The following PLXNA4 variants were observed in gnomAD, a reference collection of about 807,000 sequenced individuals.
PLXNA4 encodes the protein plexin-A4.
In PLXNA4, 44 loss-of-function variants were observed where a neutral mutation model predicts 191.8. The observed-to-expected ratio is 0.23, with a 90% CI of 0.18 to 0.29. The LOEUF is 0.29. PLXNA4 is among the 10% of genes least tolerant of loss of function. PLXNA4 has a pLI of 1.00. For synonymous variants in PLXNA4, 1,082 were observed against 1,009.5 expected (o/e 1.07, Z -1.36); for missense variants, 1,800 against 2,488.8 (o/e 0.72, Z 5.89).
At chr7:132,266,363 T>C (rs1799859282) in intron 4 of PLXNA4, 1 of 152,226 alleles carries the variant, frequency 6.6e-6, no homozygotes, top group African/African-American at 2.4e-5. Context: ...AACATCGTGC[T>C]AGGTAATGAC....
At chr7:132,625,278 G>A (rs28396243) in intron 2 of PLXNA4, among the ~76,000 whole-genome samples, 1 of 152,142 alleles carries the variant, frequency 6.6e-6, no homozygotes, top group Non-Finnish European at 1.5e-5. Flanking sequence ...GCCCAGCACA[G>A]TGCTGGATCC....
intron 3 of PLXNA4, among the ~76,000 whole-genome samples, chr7:132,335,540 C>T (rs1342672666): frequency 1.3e-5 from 2 of 152,102 alleles, no homozygotes; most frequent in African/African-American, 2.4e-5. Context: ...AATAGAACAC[C>T]CCCACCCCCG....
chr7:132,521,013 G>A, intron 1 of PLXNA4, among the ~76,000 whole-genome samples: 1 of 152,014 alleles, frequency 6.6e-6, no homozygotes, highest in East Asian at 1.9e-4. Flanking sequence ...ATCAGGAAGT[G>A]AACAGTTGTC....
rs529500573 is a variant in PLXNA4, at chr7:132,147,984, C to T, written c.4780G>A (p.Val1594Met). 2.3e-5 allele frequency: 37 copies of T among 1,614,144 alleles called. No homozygotes were observed. The East Asian group carries it at 2.7e-4, about 12-fold the overall frequency. The change falls in exon 27 of 32, where the codon GTG becomes ATG. Residue 1594 changes from valine to methionine, a missense_variant. Val to Met is a conservative substitution (Grantham distance 21). This residue lies in a region of PLXNA4 where 214 missense variants were observed against 298.2 expected (regional missense o/e 0.72). Transcript: ENST00000321063. ...LAHYQVPDGS[V>M]VALVSKQVTA... ...ACCTGCTTGGACACTAATGCCACCA[C>T]GGAACCATCTGGCACCTACAGGGAA...
intron 20 of PLXNA4, among the ~76,000 whole-genome samples, chr7:132,178,713 TACAC>T (rs56218462): frequency 9.8e-5 from 11 of 112,100 alleles, no homozygotes; most frequent in Middle Eastern, 5.4e-3. Context: ...CACATACACA[TACAC>T]ACACACACAC....
chr7:132,353,895 C>A (rs1357672217), intron 3 of PLXNA4, among the ~76,000 whole-genome samples: 1 of 152,150 alleles, frequency 6.6e-6, no homozygotes, highest in Non-Finnish European at 1.5e-5. Context: ...GTCTGTTGTG[C>A]TTCTTGAAAG....
chr7:132,329,111 C>T (rs1258844273), intron 3 of PLXNA4, among the ~76,000 whole-genome samples: 1 of 152,210 alleles, frequency 6.6e-6, no homozygotes, highest in African/African-American at 2.4e-5. Flanking sequence ...TCAAGGAGCA[C>T]TGCAGGTGAT....
intron 22 of PLXNA4, among the ~76,000 whole-genome samples, chr7:132,166,248 C>G (rs894448371): frequency 3.3e-5 from 5 of 151,054 alleles, no homozygotes; most frequent in African/African-American, 1.2e-4. Flanking sequence ...GCAAAAGATT[C>G]CACATCCTTT....
rs78090845 is a variant in PLXNA4 at position 132,491,205 on chromosome 7, T to C, written c.1189-1731A>G. Reference sequence around the variant, plus strand: ...AGCCTATTGCACTCGTGCCTGTAAATGTCTTTGGACTTTGCAGAGAAAGGG... The same window carrying C: ...AGCCTATTGCACTCGTGCCTGTAAACGTCTTTGGACTTTGCAGAGAAAGGG... On this transcript the variant is annotated intron_variant, in intron 2 of 31. Transcript: ENST00000321063. Among the ~76,000 whole-genome samples the C allele has an allele frequency of 9.3e-3, 1,422 of 152,332 alleles. 27 individuals are homozygous for C. The highest frequency in any genetic ancestry group is 0.033 in the African/African-American group (1,358 of 41,570).
intron 4 of PLXNA4, among the ~76,000 whole-genome samples, chr7:132,255,534 A>G (rs1799402417): frequency 6.6e-6 from 1 of 152,214 alleles, no homozygotes; most frequent in Non-Finnish European, 1.5e-5. Context: ...ATTCAACTTT[A>G]AAGGTTTCCA....
intron 1 of PLXNA4, among the ~76,000 whole-genome samples, chr7:132,550,910 C>T (rs1467942639): frequency 6.6e-6 from 1 of 152,186 alleles, no homozygotes; most frequent in East Asian, 1.9e-4. Flanking sequence ...CACTTCAAAC[C>T]CAGCTCCTCA....
rs556867646 is a variant in PLXNA4, at chr7:132,432,585, G to T, written c.1371+56707C>A. On this transcript the variant is annotated intron_variant, in intron 3 of 31. Transcript: ENST00000321063. Reference sequence around the variant, plus strand: ...AACGTGAGGGAGAGAAGGGGAGGAGGTCTGCTTGTTGATGGGGTGTGGGGA... The same window carrying T: ...AACGTGAGGGAGAGAAGGGGAGGAGTTCTGCTTGTTGATGGGGTGTGGGGA... 2.0e-5 allele frequency among the ~76,000 whole-genome samples: 3 copies of T among 152,256 alleles called. No individual in the cohort carries two copies. The South Asian group carries it at 6.2e-4, about 32-fold the overall frequency.
At chr7:132,248,637 A>C (rs1329054902) in intron 4 of PLXNA4, among the ~76,000 whole-genome samples, 1 of 152,198 alleles carries the variant, frequency 6.6e-6, no homozygotes, top group African/African-American at 2.4e-5. Context: ...ATCTAACGTG[A>C]TAAATGGCCC....
Position 132,142,899 on chromosome 7 carries a change from C to A in PLXNA4, c.5226-2088G>T, listed in dbSNP as rs567575564. Among the ~76,000 whole-genome samples the A allele has an allele frequency of 7.9e-4, 121 of 152,332 alleles. No homozygotes were observed. In the Middle Eastern group the frequency reaches 0.027, roughly 34 times the overall value. ...ACATTTGCTCTGCCGGTTGTTTCTT[C>A]CCTATGCTTCCCGGTCCTCAAGCCA... On this transcript the variant is annotated intron_variant, in intron 29 of 31. Coordinates refer to ENST00000321063, the MANE Select transcript of PLXNA4 (RefSeq NM_020911.2).
At chr7:132,191,244 G>A (rs150273308) in intron 14 of PLXNA4, among the ~76,000 whole-genome samples, 113 of 152,306 alleles carry the variant, frequency 7.4e-4, no homozygotes, top group Middle Eastern at 6.8e-3. Context: ...TAAGGAGGCC[G>A]TTGTGATGGC....
chr7:132,400,748 C>G (rs1227137638), intron 3 of PLXNA4, among the ~76,000 whole-genome samples: 2 of 152,170 alleles, frequency 1.3e-5, no homozygotes, highest in African/African-American at 4.8e-5. Context: ...TCTTGCAAGT[C>G]CCTAGATGTC....
intron 1 of PLXNA4, among the ~76,000 whole-genome samples, chr7:132,572,283 G>A (rs556410538): frequency 6.6e-6 from 1 of 152,094 alleles, no homozygotes; most frequent in East Asian, 1.9e-4. Context: ...GACCGTAATA[G>A]CCTATCTGGG....
upstream of PLXNA4, among the ~76,000 whole-genome samples, chr7:132,578,343 G>C (rs769367570): frequency 2.0e-5 from 3 of 152,148 alleles, no homozygotes; most frequent in East Asian, 5.8e-4. Flanking sequence ...CAGCAAGGAC[G>C]ACCCTCTAAA....
At chr7:132,172,549 G>T (rs896238974) in intron 21 of PLXNA4, among the ~76,000 whole-genome samples, 2 of 150,146 alleles carry the variant, frequency 1.3e-5, no homozygotes, top group South Asian at 4.2e-4. Context: ...AGAACACCAA[G>T]GGGGAGAAAC....
Sources: gnomAD v4.1 joint callset for allele counts (sites outside exome capture counted in the v4.1 genomes callset) on GRCh38, gnomAD v4.1.1 for gene constraint, gnomAD v4.1.1 regional missense constraint, MANE v1.5 for transcripts, NCBI Gene and HGNC (gene_info 2026-07-23, HGNC 2026-07-21) for gene names.